Variants in SCN3A observed in about 807,000 individuals in gnomAD.
SCN3A encodes sodium voltage-gated channel alpha subunit 3, also known as sodium channel protein type 3 subunit alpha.
In SCN3A, 60 loss-of-function variants were observed where a neutral mutation model predicts 187.6. That is an observed-to-expected ratio of 0.32 (90% CI 0.26 to 0.40). The LOEUF (loss-of-function observed/expected upper bound fraction) is 0.40. Among genes scored for constraint, SCN3A ranks in the 10% least tolerant of loss-of-function variants. The pLI, the probability that SCN3A is intolerant of heterozygous loss-of-function variation, is 1.00. For synonymous variants in SCN3A, 788 were observed against 829.2 expected (o/e 0.95, Z 0.85); for missense variants, 1,601 against 2,428.2 (o/e 0.66, Z 7.16).
intron 11 of SCN3A, among the ~76,000 whole-genome samples, chr2:165,152,800 T>C (rs932414481): frequency 2.6e-5 from 4 of 152,034 alleles, no homozygotes; most frequent in Non-Finnish European, 5.9e-5. Flanking sequence ...AAGGATAGCA[T>C]TAGGAGGTAT....
intron 2 of SCN3A, chr2:165,179,823 CTT>C (rs1359644652): frequency 3.3e-5 from 5 of 152,062 alleles, no homozygotes; most frequent in Non-Finnish European, 5.9e-5. Context: ...TCGCAGTTCT[CTT>C]TTACTTTTTT....
At chr2:165,182,615 G>C (rs960775464) in intron 2 of SCN3A, among the ~76,000 whole-genome samples, 1 of 152,064 alleles carries the variant, frequency 6.6e-6, no homozygotes. Context: ...TAAAGTTATA[G>C]GGTTAAGCTC....
intron 21 of SCN3A, among the ~76,000 whole-genome samples, chr2:165,102,464 A>G (rs747132232): frequency 6.6e-6 from 1 of 152,162 alleles, no homozygotes; most frequent in Admixed American, 6.6e-5. Context: ...TACAGTGGCT[A>G]TGATCACACC....
At chr2:165,091,615 T>C (rs1320164917) in intron 27 of SCN3A, among the ~76,000 whole-genome samples, 3 of 152,214 alleles carry the variant, frequency 2.0e-5, no homozygotes, top group Non-Finnish European at 2.9e-5. Context: ...CCAATTTATA[T>C]GAATTGTTAT....
At position 165,090,206 on chromosome 2, in the gene SCN3A, T is replaced by G. The variant is rs774354894; in HGVS notation, c.5947A>C (p.Lys1983Gln). Reference protein sequence around the residue: ...VTKPDKEKFEKDKPEKESKGK... With the variant: ...VTKPDKEKFEQDKPEKESKGK... The stretch of plus-strand genomic sequence containing the variant: ...TTGCTTTCTTTTTCTGGTTTGTCTT[T>G]CTCAAACTTTTCCTTGTCTGGTTTT... Residue 1983 changes from lysine to glutamine, a missense_variant, in exon 28 of 28, where the codon AAA becomes CAA. By Grantham distance (53) the Lys-to-Gln change is moderately conservative. Coordinates refer to ENST00000283254, the MANE Select transcript of SCN3A (RefSeq NM_006922.4). This position sits in a 1 kb window ranked among gnomAD's most constrained non-coding sequence, Gnocchi z 4.0. 1.3e-5 allele frequency: 21 copies of G among 1,605,616 alleles called. 1 individual carries two copies. In the South Asian group the frequency reaches 2.3e-4, roughly 18 times the overall value.
chr2:165,156,310 T>C (rs1193743160), intron 9 of SCN3A, among the ~76,000 whole-genome samples: 1 of 151,092 alleles, frequency 6.6e-6, no homozygotes, highest in Non-Finnish European at 1.5e-5. Flanking sequence ...ATCGAGACTA[T>C]CCTGGCTAAC....
chr2:165,177,327 G>A (rs1215095091), intron 2 of SCN3A, among the ~76,000 whole-genome samples: 1 of 152,066 alleles, frequency 6.6e-6, no homozygotes, highest in Non-Finnish European at 1.5e-5. Flanking sequence ...GTGTGATTGT[G>A]GACAAAGTAA....
chr2:165,092,382 C>T lies in SCN3A; in HGVS notation c.4679G>A (p.Arg1560Gln), dbSNP rs768990821. 2.6e-5 allele frequency: 42 copies of T among 1,613,762 alleles called. No individual in the cohort carries two copies. The highest frequency in any genetic ancestry group is 1.1e-4 in the African/African-American group (8 of 74,868). The change falls in exon 27 of 28, where the codon CGG becomes CAG. Residue 1560 changes from arginine to glutamine, a missense_variant. By Grantham distance (43) the Arg-to-Gln change is conservative. Around this residue, in one of 11 missense-constraint regions of SCN3A, gnomAD observed 320 missense variants for 623.2 expected, o/e 0.51. Transcript: ENST00000283254. This position sits in a 1 kb window ranked among gnomAD's most constrained non-coding sequence, Gnocchi z 4.2. ...QGKYMTLVLS[R>Q]INLVFIVLFT... is the part of the protein sequence containing the mutation. Reference sequence around the variant, plus strand: ...CAGAACAATGAACACTAGGTTGATCCGGGACAAAACTAGGGTCATGTATTT... The same window carrying T: ...CAGAACAATGAACACTAGGTTGATCTGGGACAAAACTAGGGTCATGTATTT...
At position 165,090,339 on chromosome 2, in the gene SCN3A, T is replaced by G; in HGVS notation, c.5814A>C (p.Leu1938Phe). ...NKEAIKGRID[L>F]PIKQDMIIDK... Reference sequence around the variant, plus strand: ...CAATAATCATGTCTTGTTTTATAGGTAAGTCAATCCTCCCTTTAATTGCCT... The same window carrying G: ...CAATAATCATGTCTTGTTTTATAGGGAAGTCAATCCTCCCTTTAATTGCCT... Residue 1938 changes from leucine (L) to phenylalanine (F), a missense_variant, in exon 28 of 28, where the codon TTA (leucine) becomes TTC (phenylalanine). Leu to Phe is a conservative substitution (Grantham distance 22). Transcript: ENST00000283254. This position sits in a 1 kb window ranked among gnomAD's most constrained non-coding sequence, Gnocchi z 4.0. 6.2e-7 allele frequency: 1 copy of G among 1,613,268 alleles called. No homozygotes were observed. The highest frequency in any genetic ancestry group is 8.5e-7 in the Non-Finnish European group (1 of 1,179,324).
intron 1 of SCN3A, among the ~76,000 whole-genome samples, chr2:165,200,111 C>T (rs989999526): frequency 8.6e-5 from 13 of 151,862 alleles, no homozygotes; most frequent in Admixed American, 5.9e-4. Context: ...TAAGGTAAAA[C>T]GTAAGCATGA....
At chr2:165,133,084 A>G (rs1196936810) in intron 15 of SCN3A, among the ~76,000 whole-genome samples, 1 of 152,196 alleles carries the variant, frequency 6.6e-6, no homozygotes, top group Non-Finnish European at 1.5e-5. Context: ...ACAATGAGAT[A>G]CCATCTCACA....
Position 165,176,420 on chromosome 2 carries a change from G to C in SCN3A, c.-26C>G. The C allele has an allele frequency of 1.9e-6, 3 of 1,613,674 alleles. No homozygotes were observed. Among genetic ancestry groups the C allele is most frequent in the Non-Finnish European group, 2.5e-6 (3 of 1,179,842 alleles). ...CTTTTCATCCTGCACATTTAATTAC[G>C]TGTAGCTTCTTGCATACGAATTACC... On this transcript the variant is annotated 5_prime_UTR_variant, in exon 3 of 28. Coordinates refer to ENST00000283254, the MANE Select transcript of SCN3A (RefSeq NM_006922.4).
intron 15 of SCN3A, among the ~76,000 whole-genome samples, chr2:165,131,695 C>T: frequency 6.6e-6 from 1 of 150,776 alleles, no homozygotes; most frequent in Non-Finnish European, 1.5e-5. Context: ...TGGTGTGCTG[C>T]ACCCATTAAC....
Position 165,100,444 on chromosome 2 carries a change from T to A in SCN3A, c.3844-20A>T, listed in dbSNP as rs760012804. 9.3e-6 allele frequency: 15 copies of A among 1,608,790 alleles called. No homozygotes were observed. Among genetic ancestry groups the A allele is most frequent in the Admixed American group, 3.3e-5 (2 of 59,746 alleles). ...AGAAACCTACAAAAGGAAAAAAAAATTAATTAGTTCACCAAGAAATAAACT... is the reference window on the plus strand; with the variant it reads ...AGAAACCTACAAAAGGAAAAAAAAAATAATTAGTTCACCAAGAAATAAACT... On this transcript the variant is annotated intron_variant, in intron 21 of 27. Transcript: ENST00000283254.
Position 165,113,884 on chromosome 2 carries a change from T to C in SCN3A, c.3601A>G (p.Ser1201Gly), listed in dbSNP as rs1276192974. ...IWWNLRKTCY[S>G]IVEHNWFETF... ...TCAAACCAGTTGTGCTCAACAATACTGTAGCAGGTTTTTCGAAGATTCCAC... is the reference window on the plus strand; with the variant it reads ...TCAAACCAGTTGTGCTCAACAATACCGTAGCAGGTTTTTCGAAGATTCCAC... Residue 1201 changes from serine to glycine, a missense_variant, in exon 20 of 28, where the codon AGT (serine) becomes GGT (glycine). Coordinates refer to ENST00000283254, the MANE Select transcript of SCN3A (RefSeq NM_006922.4). 10 of 1,613,904 alleles carry C rather than the reference T, an allele frequency of 6.2e-6. No homozygotes were observed. In the African/African-American group the frequency reaches 9.3e-5, roughly 15 times the overall value.
At position 165,185,660 on chromosome 2, in the gene SCN3A, C is replaced by G. The variant is rs16850227; in HGVS notation, c.-51+891G>C. Among the ~76,000 whole-genome samples the G allele has an allele frequency of 9.5e-3, 1,442 of 152,240 alleles. 17 individuals are homozygous for G. The highest frequency in any genetic ancestry group is 0.033 in the African/African-American group (1,365 of 41,536). On this transcript the variant is annotated intron_variant, in intron 2 of 27. Coordinates refer to ENST00000283254, the MANE Select transcript of SCN3A (RefSeq NM_006922.4). Reference sequence around the variant, plus strand: ...TTTGATGGATCACTCAGCTTGTGGACCCGAACAACCTCTGCACTGCTTGTT... The same window carrying G: ...TTTGATGGATCACTCAGCTTGTGGAGCCGAACAACCTCTGCACTGCTTGTT...
intron 18 of SCN3A, 147 bp downstream of exon 18, chr2:165,127,484 G>GT: frequency 1.5e-6 from 1 of 685,450 alleles, no homozygotes; most frequent in South Asian, 1.8e-5. Flanking sequence ...CCAATAAAGA[G>GT]TATCTTGTGA....
Position 165,092,680 on chromosome 2 carries a change from A to G in SCN3A, c.4537-156T>C, listed in dbSNP as rs2105628212. 2.9e-6 allele frequency: 2 copies of G among 694,214 alleles called. No homozygotes were observed. Among genetic ancestry groups the G allele is most frequent in the Middle Eastern group, 3.8e-4 (1 of 2,630 alleles). 43.0% of individuals were successfully genotyped at this position (694,214 alleles called of 1,614,324 possible). On this transcript the variant is annotated intron_variant, in intron 26 of 27. Transcript: ENST00000283254. The surrounding 1 kb of genome is among the most constrained non-coding windows in gnomAD (Gnocchi z 4.2). ...TGTGTGCTTTTTTTCTCTTCATGTT[A>G]AAAAAAATGGAAAAAAAATTTATAT...
chr2:165,121,036 A>T (rs1300990841), intron 18 of SCN3A, among the ~76,000 whole-genome samples: 1 of 152,076 alleles, frequency 6.6e-6, no homozygotes, highest in African/African-American at 2.4e-5. Flanking sequence ...CAGAAAGGAT[A>T]CAAAAGTATT....
Sources: allele counts gnomAD v4.1 joint callset (sites outside exome capture counted in the v4.1 genomes callset), GRCh38; gene constraint gnomAD v4.1.1; regional missense constraint gnomAD v4.1.1; non-coding constraint Gnocchi (gnomAD v3.1); transcripts MANE v1.5; gene names NCBI Gene and HGNC (gene_info 2026-07-23, HGNC 2026-07-21).